RPGRIP1L: variants seen among roughly 807,000 people sequenced by gnomAD.
RPGRIP1L encodes protein fantom.
A neutral mutation model predicts 160.4 loss-of-function variants in RPGRIP1L; 131 were observed. The observed-to-expected ratio is 0.82, with a 90% CI of 0.71 to 0.94. The LOEUF is 0.94. RPGRIP1L is among the 40% of genes least tolerant of loss of function. RPGRIP1L has a pLI of 0.00. For missense variants in RPGRIP1L, 1,522 were observed against 1,535.8 expected (o/e 0.99, Z 0.15); for synonymous variants, 510 against 515.8 (o/e 0.99, Z 0.15).
intron 22 of RPGRIP1L, among the ~76,000 whole-genome samples, chr16:53,636,230 A>T (rs1478038473): frequency 2.0e-5 from 3 of 152,204 alleles, no homozygotes; most frequent in African/African-American, 7.2e-5. Flanking sequence ...TTGTGAAAAT[A>T]ATACTTACAT....
chr16:53,654,066 C>T (rs113815005), intron 14 of RPGRIP1L, among the ~76,000 whole-genome samples: 4 of 152,100 alleles, frequency 2.6e-5, no homozygotes, highest in East Asian at 1.9e-4. Context: ...CAGGTTCAAA[C>T]GATTCTCCTG....
At chr16:53,632,184 T>A (rs771944308) in intron 22 of RPGRIP1L, among the ~76,000 whole-genome samples, 10 of 152,252 alleles carry the variant, frequency 6.6e-5, no homozygotes, top group Non-Finnish European at 1.3e-4. Flanking sequence ...AACTAGGAAC[T>A]GTCAGATTCT....
At chr16:53,633,713 T>C (rs62050407) in intron 22 of RPGRIP1L, among the ~76,000 whole-genome samples, 7,571 of 152,296 alleles carry the variant, frequency 0.05, 303 homozygotes, top group African/African-American at 0.11. Context: ...AAAGAATGTA[T>C]GTTTATAAGT....
intron 24 of RPGRIP1L, among the ~76,000 whole-genome samples, 188 bp from the exon 25 acceptor site, chr16:53,611,239 C>T (rs1027575012): frequency 6.6e-6 from 1 of 152,208 alleles, no homozygotes; most frequent in Non-Finnish European, 1.5e-5. Context: ...GATCTAATGT[C>T]ATGTCACTGG....
chr16:53,654,019 A>T (rs1967036271), intron 14 of RPGRIP1L, among the ~76,000 whole-genome samples: 2 of 152,284 alleles, frequency 1.3e-5, no homozygotes, highest in East Asian at 1.9e-4. Flanking sequence ...GCTGGAGTGC[A>T]GTGGCGGAAT....
chr16:53,612,412 G>C (rs1013363065), intron 24 of RPGRIP1L, among the ~76,000 whole-genome samples: 1 of 151,542 alleles, frequency 6.6e-6, no homozygotes. Context: ...CATGCTAACA[G>C]ATCACTGGAA....
chr16:53,676,514 C>T (rs1465683322), intron 6 of RPGRIP1L, among the ~76,000 whole-genome samples: 3 of 152,022 alleles, frequency 2.0e-5, no homozygotes, highest in African/African-American at 7.3e-5. Flanking sequence ...TTTGACCACT[C>T]AGCAGTGAAT....
At chr16:53,649,780 G>A (rs1039851386) in intron 15 of RPGRIP1L, among the ~76,000 whole-genome samples, 8 of 152,224 alleles carry the variant, frequency 5.3e-5, no homozygotes, top group East Asian at 1.9e-4. Context: ...CATGGACATC[G>A]TATGTCCTTG....
intron 21 of RPGRIP1L, among the ~76,000 whole-genome samples, chr16:53,636,941 GACACACACACACACACAC>G (rs34373919): frequency 0.17 from 23,526 of 142,186 alleles, 1,941 homozygotes; most frequent in Middle Eastern, 0.24. Context: ...TGCAATATTT[GACACACACACACACACAC>G]ACACACACAC....
chr16:53,636,106 T>C (rs1965817364), intron 22 of RPGRIP1L, among the ~76,000 whole-genome samples: 1 of 152,204 alleles, frequency 6.6e-6, no homozygotes. Flanking sequence ...CATTTTGAAT[T>C]CTTTAAAGTT....
intron 17 of RPGRIP1L, among the ~76,000 whole-genome samples, chr16:53,642,856 C>CT (rs1966322642): frequency 6.6e-6 from 1 of 152,168 alleles, no homozygotes; most frequent in African/African-American, 2.4e-5. Flanking sequence ...CCAGAGGCAT[C>CT]GTTAAAAACA....
chr16:53,677,371 C>T (rs1033119965), intron 6 of RPGRIP1L, among the ~76,000 whole-genome samples: 10 of 152,126 alleles, frequency 6.6e-5, no homozygotes, highest in Admixed American at 6.5e-4. Context: ...TGGGACAATG[C>T]TAAACTTGTA....
intron 14 of RPGRIP1L, 146 bp downstream of exon 14, chr16:53,656,326 G>T: frequency 1.3e-6 from 1 of 755,210 alleles, no homozygotes; most frequent in Non-Finnish European, 2.5e-6. Flanking sequence ...GAACCCAGGA[G>T]GTCAAAGCTG....
chr16:53,700,168 TA>T lies in RPGRIP1L; in HGVS notation c.85+470del, dbSNP rs573180693. Among the ~76,000 whole-genome samples the T allele has an allele frequency of 5.5e-4, 84 of 152,344 alleles. 1 individual carries two copies. In the South Asian group the frequency reaches 0.016, roughly 29 times the overall value. On this transcript the variant is annotated intron_variant, in intron 2 of 26. Coordinates refer to ENST00000647211, the MANE Select transcript of RPGRIP1L (RefSeq NM_015272.5). ...TAGCTCTACAGCAACTACTAAGTGA[TA>T]AAAGGATAAAGAAAACCTTTAATCC...
intron 6 of RPGRIP1L, among the ~76,000 whole-genome samples, chr16:53,686,064 T>C (rs1969985554): frequency 6.6e-6 from 1 of 152,180 alleles, no homozygotes; most frequent in Non-Finnish European, 1.5e-5. Context: ...AAAAAAGTAA[T>C]GCTGGACTTA....
intron 6 of RPGRIP1L, among the ~76,000 whole-genome samples, chr16:53,679,927 G>A (rs1250078715): frequency 1.3e-5 from 2 of 152,170 alleles, no homozygotes; most frequent in Non-Finnish European, 1.5e-5. Context: ...AATTTGGCCA[G>A]AGACCTTAAG....
chr16:53,644,432 T>C (rs975344089), intron 17 of RPGRIP1L, among the ~76,000 whole-genome samples: 5 of 152,108 alleles, frequency 3.3e-5, no homozygotes, highest in African/African-American at 1.2e-4. Context: ...GAAAAAATAA[T>C]GGCAGTAAAC....
chr16:53,641,210 G>A (rs1258677770), intron 18 of RPGRIP1L, 75 bp downstream of exon 18: 4 of 1,498,314 alleles, frequency 2.7e-6, no homozygotes, highest in African/African-American at 1.4e-5. Context: ...TTTTGGTGGG[G>A]GTGGCAGCTT....
At chr16:53,617,593 A>C (rs1382642234) in intron 24 of RPGRIP1L, among the ~76,000 whole-genome samples, 2 of 152,214 alleles carry the variant, frequency 1.3e-5, no homozygotes, top group African/African-American at 4.8e-5. Context: ...GTTATTGTAG[A>C]ATTTAAGCTG....
Sources: gnomAD v4.1 joint callset for allele counts (sites outside exome capture counted in the v4.1 genomes callset) on GRCh38, gnomAD v4.1.1 for gene constraint, MANE v1.5 for transcripts, NCBI Gene and HGNC (gene_info 2026-07-23, HGNC 2026-07-21) for gene names.